Variants in EXOC5 observed in about 807,000 individuals in gnomAD.
The protein encoded by EXOC5 is SEC10-like 1.
EXOC5 carries 17 observed loss-of-function variants against 90.8 expected under a neutral mutation model. The observed-to-expected ratio is 0.19, with a 90% CI of 0.13 to 0.28. EXOC5 has a LOEUF of 0.28. Among genes scored for constraint, EXOC5 ranks in the 10% least tolerant of loss-of-function variants. The pLI is 1.00. For synonymous variants in EXOC5, 260 were observed against 270.0 expected, an observed-to-expected ratio of 0.96 and a Z score of 0.36; for missense variants, 569 against 830.6, an observed-to-expected ratio of 0.69 and a Z score of 3.87.
intron 1 of EXOC5, 153 bp downstream of exon 1, chr14:57,268,469 C>T: frequency 1.3e-6 from 2 of 1,499,568 alleles, no homozygotes; most frequent in African/African-American, 1.4e-5. Flanking sequence ...TCCGCCCGCG[C>T]TGACACGGAG....
In EXOC5 at chr14:57,201,570, A is replaced by ATATATATATATATATATATAAATAT. The variant is rs1882510967; in HGVS notation, c.*7038_*7039insATATTTATATATATATATATATATA. ...ATATATTTTTATATATATTAATATT[A>ATATATATATATATATATATAAATAT]TATATATATATATATATATATATAT... is the stretch of plus-strand genomic sequence containing the variant. On this transcript the variant is annotated 3_prime_UTR_variant, in exon 18 of 18. Coordinates refer to ENST00000621441, the MANE Select transcript of EXOC5 (RefSeq NM_006544.4). 1 of 38,844 alleles carries ATATATATATATATATATATAAATAT rather than the reference A, an allele frequency of 2.6e-5. No homozygotes were observed. Among genetic ancestry groups the ATATATATATATATATATATAAATAT allele is most frequent in the East Asian group, 5.2e-4 (1 of 1,916 alleles). 2.4% of individuals were successfully genotyped at this position (38,844 alleles called of 1,614,324 possible).
intron 7 of EXOC5, among the ~76,000 whole-genome samples, chr14:57,234,989 T>C (rs1338684268): frequency 2.0e-5 from 3 of 152,164 alleles, no homozygotes; most frequent in Non-Finnish European, 4.4e-5. Flanking sequence ...GATTTGTCAT[T>C]AAGCTCACCA....
At position 57,205,123 on chromosome 14, in the gene EXOC5, A is replaced by G. The variant is rs1882611359; in HGVS notation, c.*3486T>C. 1 of 152,040 alleles carries G rather than the reference A, an allele frequency of 6.6e-6. No individual in the cohort carries two copies. The highest frequency in any genetic ancestry group is 1.5e-5 in the Non-Finnish European group (1 of 67,904). 9.4% of individuals were successfully genotyped at this position (152,040 alleles called of 1,614,324 possible). On this transcript the variant is annotated 3_prime_UTR_variant, in exon 18 of 18. Transcript: ENST00000621441. ...CCTAGGGTTGCTCTAGAATCCAATA[A>G]TATGTGCAAAGGACTTATTAGCACA...
In EXOC5 at chr14:57,214,586, G is replaced by A. The variant is rs368185719; in HGVS notation, c.1613+3396C>T. Among the ~76,000 whole-genome samples the A allele has an allele frequency of 7.2e-4, 110 of 152,216 alleles. No homozygotes were observed. The East Asian group carries it at 0.011, about 15-fold the overall frequency. ...AGAAGGATGGATAAGCGGTACTAAA[G>A]ATCCAACTGAGAAATGAGAGCATAG... On this transcript the variant is annotated intron_variant, in intron 15 of 17. Coordinates refer to ENST00000621441, the MANE Select transcript of EXOC5 (RefSeq NM_006544.4).
chr14:57,252,872 T>C (rs560557750), intron 1 of EXOC5, among the ~76,000 whole-genome samples: 1 of 152,248 alleles, frequency 6.6e-6, no homozygotes, highest in South Asian at 2.1e-4. Context: ...AGCTGAGATA[T>C]GGAATCAATC....
chr14:57,229,768 TG>T lies in EXOC5; in HGVS notation c.1261del (p.Gln421LysfsTer87). ...TCTTTCAAAGGCTTGTTTGGTTTCT[TG>T]TAAAAGATTAACCACCACTTCTTGG... ...LSQEVVVNLLQETKQAFERCH... is the reference protein window; with the variant it reads ...LSQEVVVNLLXETKQAFERCH... On this transcript the variant is annotated frameshift_variant, in exon 12 of 18. Transcript: ENST00000621441. LOFTEE classifies it high-confidence loss of function. 6.6e-7 allele frequency: 1 copy of T among 1,525,220 alleles called. No homozygotes were observed. Among genetic ancestry groups the T allele is most frequent in the Admixed American group, 2.0e-5 (1 of 50,724 alleles). 94.5% of individuals were successfully genotyped at this position (1,525,220 alleles called of 1,614,324 possible).
intron 6 of EXOC5, among the ~76,000 whole-genome samples, chr14:57,236,243 A>G (rs1418378558): frequency 6.6e-6 from 1 of 151,830 alleles, no homozygotes; most frequent in South Asian, 2.1e-4. Flanking sequence ...CTGAACACCA[A>G]ATCTCATCCT....
chr14:57,256,810 T>C (rs1884360771), intron 1 of EXOC5, among the ~76,000 whole-genome samples: 2 of 152,244 alleles, frequency 1.3e-5, no homozygotes, highest in African/African-American at 4.8e-5. Flanking sequence ...CAGACCACTT[T>C]GGTCCAAAGC....
In EXOC5 at chr14:57,268,875, T is replaced by G. The variant is rs934849698; in HGVS notation, c.-227A>C. 25 of 1,173,594 alleles carry G rather than the reference T, an allele frequency of 2.1e-5. No individual in the cohort carries two copies. In the Admixed American group the frequency reaches 7.2e-4, roughly 34 times the overall value. The allele number at this position is 1,173,594 out of a possible 1,614,324, so 72.7% of individuals were successfully genotyped here. A position where few individuals can be genotyped will look rare whatever the true frequency, so the allele number is the denominator to read the frequency against. ...CCGGCGCCGCCCGCGCTGCTCCCAT[T>G]GTCACCGCCTCATACGCCGGAAGTG... On this transcript the variant is annotated 5_prime_UTR_variant, in exon 1 of 18. Coordinates refer to ENST00000621441, the MANE Select transcript of EXOC5 (RefSeq NM_006544.4).
intron 11 of EXOC5, among the ~76,000 whole-genome samples, chr14:57,230,771 T>C (rs975699603): frequency 2.6e-5 from 4 of 152,144 alleles, no homozygotes; most frequent in Admixed American, 6.5e-5. Flanking sequence ...TTAATAGTTT[T>C]TTATGCTAAA....
chr14:57,249,711 A>G (rs1594677159), intron 1 of EXOC5, among the ~76,000 whole-genome samples: 1 of 152,132 alleles, frequency 6.6e-6, no homozygotes, highest in Admixed American at 6.6e-5. Context: ...AGAACCATGA[A>G]GAAAATGAAA....
intron 14 of EXOC5, 73 bp from the exon 15 acceptor site, chr14:57,218,141 A>T (rs780108501): frequency 5.7e-6 from 4 of 702,776 alleles, no homozygotes; most frequent in Non-Finnish European, 1.0e-5. Flanking sequence ...TCATACACCT[A>T]TGTGTATTAC....
At position 57,204,792 on chromosome 14, in the gene EXOC5, A is replaced by T. The variant is rs1225253156; in HGVS notation, c.*3817T>A. 6.6e-6 allele frequency: 1 copy of T among 152,488 alleles called. No homozygotes were observed. Among genetic ancestry groups the T allele is most frequent in the African/African-American group, 2.4e-5 (1 of 41,450 alleles). The allele number at this position is 152,488 out of a possible 1,614,324, so 9.4% of individuals were successfully genotyped here. On this transcript the variant is annotated 3_prime_UTR_variant, in exon 18 of 18. Coordinates refer to ENST00000621441, the MANE Select transcript of EXOC5 (RefSeq NM_006544.4). ...AATCAAATTTAAAAAGTATGACCATACATTGAACATATTAAGAAAAACACA... is the reference window on the plus strand; with the variant it reads ...AATCAAATTTAAAAAGTATGACCATTCATTGAACATATTAAGAAAAACACA...
intron 1 of EXOC5, among the ~76,000 whole-genome samples, chr14:57,267,475 G>A (rs1262161653): frequency 6.6e-6 from 1 of 152,152 alleles, no homozygotes; most frequent in African/African-American, 2.4e-5. Context: ...CACAAAAACT[G>A]CTGAATCTTA....
At chr14:57,260,148 T>G (rs1226719560) in intron 1 of EXOC5, among the ~76,000 whole-genome samples, 1 of 152,220 alleles carries the variant, frequency 6.6e-6, no homozygotes, top group Non-Finnish European at 1.5e-5. Flanking sequence ...TCTTTGATTT[T>G]TCAGTGAGAT....
In EXOC5 at chr14:57,205,018, G is replaced by A. The variant is rs1882608271; in HGVS notation, c.*3591C>T. 6.6e-6 allele frequency: 1 copy of A among 151,896 alleles called. No individual in the cohort carries two copies. Among genetic ancestry groups the A allele is most frequent in the Admixed American group, 6.6e-5 (1 of 15,242 alleles). The allele number at this position is 151,896 out of a possible 1,614,324, so 9.4% of individuals were successfully genotyped here. A position where few individuals can be genotyped will look rare whatever the true frequency, so the allele number is the denominator to read the frequency against. On this transcript the variant is annotated 3_prime_UTR_variant, in exon 18 of 18. Coordinates refer to ENST00000621441, the MANE Select transcript of EXOC5 (RefSeq NM_006544.4). ...AGGTTTCAATCTGAGCATTTTACTA[G>A]CTGTAGACCTTGACTGGTCTACTTA...
intron 1 of EXOC5, among the ~76,000 whole-genome samples, chr14:57,249,923 C>T (rs551572492): frequency 6.6e-6 from 1 of 152,184 alleles, no homozygotes; most frequent in Admixed American, 6.5e-5. Flanking sequence ...TAGGCATGCA[C>T]CACTATGCTT....
chr14:57,268,799 G>C lies in EXOC5; in HGVS notation c.-151C>G. On this transcript the variant is annotated 5_prime_UTR_variant, in exon 1 of 18. Coordinates refer to ENST00000621441, the MANE Select transcript of EXOC5 (RefSeq NM_006544.4). ...CCCAGCTCCCCACAGATCCCAGGAG[G>C]GGCGGGAGAGCGGCCATGAAGCGAA... The C allele has an allele frequency of 7.1e-7, 1 of 1,406,542 alleles. No individual in the cohort carries two copies. Among genetic ancestry groups the C allele is most frequent in the Non-Finnish European group, 9.2e-7 (1 of 1,087,622 alleles). 87.1% of individuals were successfully genotyped at this position (1,406,542 alleles called of 1,614,324 possible).
At chr14:57,231,774 T>A in intron 10 of EXOC5, 59 bp from the exon 11 acceptor site, 1 of 1,164,452 alleles carries the variant, frequency 8.6e-7, no homozygotes, top group Non-Finnish European at 1.2e-6. Flanking sequence ...AGTAACAATA[T>A]TAAGGAATAC....
Sources: allele counts gnomAD v4.1 joint callset (sites outside exome capture counted in the v4.1 genomes callset), GRCh38; gene constraint gnomAD v4.1.1; transcripts MANE v1.5; gene names NCBI Gene and HGNC (gene_info 2026-07-23, HGNC 2026-07-21).